KANK1: variants seen among roughly 807,000 people sequenced by gnomAD.
KANK1 encodes KN motif and ankyrin repeat domains 1, also known as KN motif and ankyrin repeat domain-containing protein 1.
In KANK1, 109 loss-of-function variants were observed where a neutral mutation model predicts 106.2. That is an observed-to-expected ratio of 1.03 (90% CI 0.88 to 1.20). KANK1 has a LOEUF of 1.20. KANK1 is among the 50% of genes most tolerant of loss of function. The pLI, the probability that KANK1 is intolerant of heterozygous loss-of-function variation, is 0.00. For synonymous variants in KANK1, 873 were observed against 652.2 expected, an observed-to-expected ratio of 1.34 and a Z score of -5.16; for missense variants, 2,399 against 1,710.7, an observed-to-expected ratio of 1.40 and a Z score of -7.10.
At chr9:490,511 CTAA>C (rs113286547) in intron 3 of KANK1, among the ~76,000 whole-genome samples, 2,917 of 151,794 alleles carry the variant, frequency 0.019, 107 homozygotes, top group African/African-American at 0.065. Context: ...TTGTCTCAAA[CTAA>C]TAATAATAAT....
chr9:547,125 G>C (rs1254532774), intron 1 of KANK1, among the ~76,000 whole-genome samples: 2 of 152,206 alleles, frequency 1.3e-5, no homozygotes, highest in Admixed American at 6.5e-5. Flanking sequence ...TTCTTTTTCA[G>C]CCTTCTCACA....
chr9:567,825 T>G (rs1216418717), intron 1 of KANK1, among the ~76,000 whole-genome samples: 2 of 152,216 alleles, frequency 1.3e-5, no homozygotes, highest in Non-Finnish European at 2.9e-5. Flanking sequence ...GTCTCTCATT[T>G]GAGTACGTTC....
chr9:710,493 C>T (rs573370632), intron 2 of KANK1, among the ~76,000 whole-genome samples: 29 of 151,966 alleles, frequency 1.9e-4, no homozygotes, highest in African/African-American at 6.3e-4. Flanking sequence ...TGGTGCACCC[C>T]TGTAATCCCA....
chr9:588,647 C>T (rs1824103675), intron 1 of KANK1, among the ~76,000 whole-genome samples: 1 of 152,044 alleles, frequency 6.6e-6, no homozygotes, highest in African/African-American at 2.4e-5. Flanking sequence ...CATATTATCT[C>T]TTGCCTCTAA....
At position 745,365 on chromosome 9, in the gene KANK1, G is replaced by C; in HGVS notation, c.*130G>C. On this transcript the variant is annotated 3_prime_UTR_variant, in exon 12 of 12. Coordinates refer to ENST00000382297, the MANE Select transcript of KANK1 (RefSeq NM_015158.5). ...GCAAACAGAAGCATCAAGCCCAGGGGTAAAGGCTGAAGCTTTCACAGTGCA... is the reference window on the plus strand; with the variant it reads ...GCAAACAGAAGCATCAAGCCCAGGGCTAAAGGCTGAAGCTTTCACAGTGCA... 8.4e-7 allele frequency: 1 copy of C among 1,192,184 alleles called. No homozygotes were observed. The highest frequency in any genetic ancestry group is 1.2e-6 in the Non-Finnish European group (1 of 816,248). 73.9% of individuals were successfully genotyped at this position (1,192,184 alleles called of 1,614,324 possible).
At chr9:694,502 T>G (rs542713011) in intron 2 of KANK1, among the ~76,000 whole-genome samples, 16 of 152,328 alleles carry the variant, frequency 1.1e-4, no homozygotes, top group Non-Finnish European at 1.5e-5. Context: ...TAGTTGGGGT[T>G]GCACTTAGGA....
At chr9:744,644 G>C (rs886675275) in intron 11 of KANK1, 55 bp downstream of exon 11, 5 of 1,613,652 alleles carry the variant, frequency 3.1e-6, no homozygotes, top group Non-Finnish European at 3.4e-6. Flanking sequence ...CAGACTGGTG[G>C]ACCCCCTTCC....
chr9:492,160 G>A lies in KANK1; in HGVS notation c.-362+18887G>A, dbSNP rs1033127988. The stretch of plus-strand genomic sequence containing the variant: ...GGAAGAGGAGAGTAGTAGGAGAAAA[G>A]ACAGAGTCATTATTGTCATCATAAT... On this transcript the variant is annotated intron_variant, in intron 3 of 15. Coordinates refer to the KANK1 transcript ENST00000382303. 5.3e-5 allele frequency: 8 copies of A among 152,356 alleles called. 1 individual carries two copies. The highest frequency in any genetic ancestry group is 1.2e-4 in the Non-Finnish European group (8 of 68,048). The allele number at this position is 152,356 out of a possible 1,614,324, so 9.4% of individuals were successfully genotyped here. A position where few individuals can be genotyped will look rare whatever the true frequency, so the allele number is the denominator to read the frequency against.
chr9:516,609 G>T (rs1196097253), intron 1 of KANK1, among the ~76,000 whole-genome samples: 4 of 151,578 alleles, frequency 2.6e-5, no homozygotes, highest in African/African-American at 4.9e-5. Context: ...ATAATGCTGG[G>T]AATGACAGAA....
intron 9 of KANK1, 101 bp downstream of exon 9, chr9:741,035 C>A: frequency 2.2e-6 from 3 of 1,346,728 alleles, no homozygotes; most frequent in Non-Finnish European, 3.1e-6. Context: ...CACGCTTCCA[C>A]CACAGTGCAC....
At chr9:713,603 T>A (rs1564059036) in intron 3 of KANK1, 139 bp downstream of exon 3, 2 of 918,192 alleles carry the variant, frequency 2.2e-6, no homozygotes, top group Non-Finnish European at 3.1e-6. Context: ...ATCTGTAGAA[T>A]GAAAACTAAG....
intron 1 of KANK1, among the ~76,000 whole-genome samples, chr9:602,021 T>C (rs1827871529): frequency 6.6e-6 from 1 of 151,926 alleles, no homozygotes; most frequent in African/African-American, 2.4e-5. Flanking sequence ...TTAACACTTC[T>C]AGGTAGTCAG....
intron 1 of KANK1, among the ~76,000 whole-genome samples, chr9:550,443 G>A (rs980897668): frequency 6.6e-6 from 1 of 152,142 alleles, no homozygotes; most frequent in African/African-American, 2.4e-5. Flanking sequence ...GAACAGATAA[G>A]GTATCTTATC....
intron 1 of KANK1, among the ~76,000 whole-genome samples, chr9:561,543 T>C (rs1563771829): frequency 1.3e-5 from 2 of 152,220 alleles, no homozygotes; most frequent in East Asian, 3.8e-4. Context: ...GACAAATTCT[T>C]AGCAGCAGGA....
At position 519,428 on chromosome 9, in the gene KANK1, TCTTAA is replaced by T. The variant is rs141124662; in HGVS notation, c.-84+14678_-84+14682del. 9.8e-3 allele frequency among the ~76,000 whole-genome samples: 1,486 copies of T among 151,758 alleles called. 73 individuals carry two copies. Among genetic ancestry groups the T allele is most frequent in the African/African-American group, 0.035 (1,437 of 41,086 alleles). On this transcript the variant is annotated intron_variant, in intron 1 of 11. Transcript: ENST00000382297. Reference sequence around the variant, plus strand: ...TTCATAGGAGTAGCTATGAGAGGAGTCTTAACTTTGGGTATTGTTTTTCTTTGGCT... The same window carrying T: ...TTCATAGGAGTAGCTATGAGAGGAGTCTTTGGGTATTGTTTTTCTTTGGCT...
intron 2 of KANK1, among the ~76,000 whole-genome samples, chr9:710,001 C>G (rs1021403784): frequency 6.6e-6 from 1 of 152,042 alleles, no homozygotes; most frequent in African/African-American, 2.4e-5. Flanking sequence ...TCTCTGAGTA[C>G]TGATGGACAT....
chr9:649,846 T>C (rs961475867), intron 1 of KANK1, among the ~76,000 whole-genome samples: 1 of 152,230 alleles, frequency 6.6e-6, no homozygotes, highest in African/African-American at 2.4e-5. Flanking sequence ...TCCTTTGGTG[T>C]GACCCATGGG....
intron 2 of KANK1, among the ~76,000 whole-genome samples, chr9:694,920 G>T (rs904443549): frequency 5.3e-5 from 8 of 152,146 alleles, no homozygotes; most frequent in Admixed American, 2.6e-4. Flanking sequence ...CACCTGCCGT[G>T]ATTCATTTTT....
chr9:572,376 C>T (rs1198799926), intron 1 of KANK1, among the ~76,000 whole-genome samples: 1 of 151,728 alleles, frequency 6.6e-6, no homozygotes, highest in Non-Finnish European at 1.5e-5. Context: ...CAGTGAAACC[C>T]CGTCTCTACT....
Sources: gnomAD v4.1 joint callset for allele counts (sites outside exome capture counted in the v4.1 genomes callset) on GRCh38, gnomAD v4.1.1 for gene constraint, MANE v1.5 for transcripts, NCBI Gene and HGNC (gene_info 2026-07-23, HGNC 2026-07-21) for gene names.